CNBD1: variants seen among roughly 807,000 people sequenced by gnomAD.
CNBD1 encodes cyclic nucleotide-binding domain-containing protein 1.
In CNBD1, 71 loss-of-function variants were observed where a neutral mutation model predicts 54.4. The observed-to-expected ratio is 1.30, with a 90% CI of 1.08 to 1.59. The LOEUF (loss-of-function observed/expected upper bound fraction) is 1.59. Ranked by LOEUF, CNBD1 falls within the 40% of genes most tolerant of loss-of-function variation. The pLI, the probability that CNBD1 is intolerant of heterozygous loss-of-function variation, is 0.00. For missense variants in CNBD1, 659 were observed against 518.0 expected, an observed-to-expected ratio of 1.27 and a Z score of -2.64; for synonymous variants, 182 against 170.7, an observed-to-expected ratio of 1.07 and a Z score of -0.51.
chr8:87,272,337 A>T, intron 6 of CNBD1, among the ~76,000 whole-genome samples: 1 of 152,032 alleles, frequency 6.6e-6, no homozygotes, highest in East Asian at 1.9e-4. Flanking sequence ...GTATCTAAAA[A>T]ATATGTGCAT....
intron 4 of CNBD1, among the ~76,000 whole-genome samples, chr8:87,170,958 T>C (rs1251871243): frequency 1.3e-5 from 2 of 152,140 alleles, no homozygotes; most frequent in Non-Finnish European, 2.9e-5. Context: ...ATCGGAGATA[T>C]TGGTCTGTAG....
intron 8 of CNBD1, among the ~76,000 whole-genome samples, chr8:87,327,450 A>T (rs1242662318): frequency 6.6e-6 from 1 of 152,184 alleles, no homozygotes; most frequent in Non-Finnish European, 1.5e-5. Flanking sequence ...GCTAGCAATC[A>T]GCGAGATTCC....
In CNBD1 at chr8:87,353,749, A is replaced by C. The variant is rs148357017; in HGVS notation, c.1266A>C (p.Glu422Asp). ...CGTGCACAATCATTACCAAAAAAGA[A>C]GTTGAGATGGCAATCATTGAAGATA... Reference protein sequence around the residue: ...PFTCTIITKKEVEMAIIEDKD... With the variant: ...PFTCTIITKKDVEMAIIEDKD... The change falls in exon 10 of 11, where the codon GAA (glutamate) becomes GAC (aspartate). Residue 422 changes from glutamate to aspartate, a missense_variant. Coordinates refer to ENST00000518476, the MANE Select transcript of CNBD1 (RefSeq NM_173538.3). 1 of 1,611,102 alleles carries C rather than the reference A, an allele frequency of 6.2e-7. No individual in the cohort carries two copies. Among genetic ancestry groups the C allele is most frequent in the African/African-American group, 1.3e-5 (1 of 74,966 alleles).
intron 6 of CNBD1, among the ~76,000 whole-genome samples, chr8:87,276,430 G>A (rs1046590770): frequency 6.6e-6 from 1 of 151,814 alleles, no homozygotes; most frequent in Non-Finnish European, 1.5e-5. Context: ...GAAAAGGCTT[G>A]GATGCCATGG....
intron 4 of CNBD1, among the ~76,000 whole-genome samples, chr8:87,045,440 T>C (rs1810160933): frequency 6.6e-6 from 1 of 152,170 alleles, no homozygotes; most frequent in South Asian, 2.1e-4. Flanking sequence ...CTAGAGGTGT[T>C]GATCCAAAAG....
chr8:86,880,785 T>A (rs1046326106), intron 1 of CNBD1, among the ~76,000 whole-genome samples: 2 of 151,888 alleles, frequency 1.3e-5, no homozygotes, highest in African/African-American at 4.8e-5. Context: ...CAACAAAATA[T>A]CGGCAAACCC....
chr8:87,324,097 G>T (rs1809606402), intron 8 of CNBD1, among the ~76,000 whole-genome samples: 1 of 124,428 alleles, frequency 8.0e-6, no homozygotes, highest in East Asian at 2.0e-4. Context: ...TTATATGCTG[G>T]ATTACATTTA....
intron 1 of CNBD1, among the ~76,000 whole-genome samples, chr8:86,869,094 T>G (rs530559344): frequency 6.6e-6 from 1 of 152,324 alleles, no homozygotes; most frequent in East Asian, 1.9e-4. Context: ...CCAGAAGAAT[T>G]GCAGTCCTGC....
intron 8 of CNBD1, among the ~76,000 whole-genome samples, chr8:87,300,424 A>C (rs1175549224): frequency 6.6e-6 from 1 of 152,152 alleles, no homozygotes; most frequent in Non-Finnish European, 1.5e-5. Context: ...TCCATATTGA[A>C]AAACTTTAAA....
intron 4 of CNBD1, among the ~76,000 whole-genome samples, chr8:87,196,713 C>T (rs909299591): frequency 6.6e-6 from 1 of 152,120 alleles, no homozygotes; most frequent in Non-Finnish European, 1.5e-5. Context: ...TGATCAGAAG[C>T]CAGATACCAC....
intron 8 of CNBD1, among the ~76,000 whole-genome samples, chr8:87,301,361 C>A (rs1030857020): frequency 6.6e-6 from 1 of 152,018 alleles, no homozygotes; most frequent in Non-Finnish European, 1.5e-5. Context: ...CCAGCATCAC[C>A]CTAATACCAA....
intron 6 of CNBD1, among the ~76,000 whole-genome samples, chr8:87,252,270 A>G (rs1308557620): frequency 6.6e-6 from 1 of 152,192 alleles, no homozygotes; most frequent in Non-Finnish European, 1.5e-5. Context: ...TTCCCTTCAT[A>G]TCTAAGTATA....
chr8:87,287,063 G>A (rs559072604), intron 8 of CNBD1, among the ~76,000 whole-genome samples: 50 of 152,002 alleles, frequency 3.3e-4, no homozygotes, highest in Non-Finnish European at 6.5e-4. Context: ...AACTATTTAA[G>A]CAGCAAGTTT....
intron 4 of CNBD1, among the ~76,000 whole-genome samples, chr8:87,134,778 A>G (rs573952572): frequency 6.7e-5 from 10 of 149,168 alleles, no homozygotes; most frequent in Admixed American, 6.7e-4. Flanking sequence ...AATATTTTTG[A>G]ATTTTTTTTT....
chr8:87,098,686 A>T (rs142382667), intron 4 of CNBD1, among the ~76,000 whole-genome samples: 275 of 152,010 alleles, frequency 1.8e-3, no homozygotes, highest in African/African-American at 5.8e-3. Flanking sequence ...ACAACTGTTC[A>T]TCAACAAATG....
chr8:86,919,219 T>C (rs531924945), intron 3 of CNBD1, among the ~76,000 whole-genome samples: 10 of 152,198 alleles, frequency 6.6e-5, no homozygotes, highest in African/African-American at 2.4e-4. Flanking sequence ...CAGAAATACA[T>C]ATTGTGGATG....
At chr8:87,347,239 G>A (rs1434974709) in intron 8 of CNBD1, among the ~76,000 whole-genome samples, 1 of 152,102 alleles carries the variant, frequency 6.6e-6, no homozygotes, top group Non-Finnish European at 1.5e-5. Context: ...AGAATTTTTA[G>A]GAGGACTACT....
chr8:86,873,300 C>T lies in CNBD1; in HGVS notation c.88+6717C>T, dbSNP rs193008932. Among the ~76,000 whole-genome samples, 129 of 151,844 alleles carry T rather than the reference C, an allele frequency of 8.5e-4. 1 individual carries two copies. Among genetic ancestry groups the T allele is most frequent in the South Asian group, 4.8e-3 (23 of 4,808 alleles). Reference sequence around the variant, plus strand: ...ATTTTTAGTAGAGACGGGGTTTCTCCCTGTTGATCAGGCTTGTCTCAAACT... The same window carrying T: ...ATTTTTAGTAGAGACGGGGTTTCTCTCTGTTGATCAGGCTTGTCTCAAACT... On this transcript the variant is annotated intron_variant, in intron 1 of 10. Transcript: ENST00000518476.
chr8:87,218,123 T>A (rs1814252783), intron 5 of CNBD1, among the ~76,000 whole-genome samples: 1 of 152,080 alleles, frequency 6.6e-6, no homozygotes, highest in African/African-American at 2.4e-5. Context: ...TTCTTCAATA[T>A]CCCAAAGCTA....
Sources: allele counts gnomAD v4.1 joint callset (sites outside exome capture counted in the v4.1 genomes callset), GRCh38; gene constraint gnomAD v4.1.1; transcripts MANE v1.5; gene names NCBI Gene and HGNC (gene_info 2026-07-23, HGNC 2026-07-21).